Variants in KIAA1217 observed in about 807,000 individuals in gnomAD.
KIAA1217 encodes the protein KIAA1217.
KIAA1217 carries 88 observed loss-of-function variants against 163.9 expected under a neutral mutation model. The ratio of observed to expected loss-of-function variants is 0.54; its 90% CI spans 0.45 to 0.64. The LOEUF is 0.64. Among genes scored for constraint, KIAA1217 ranks in the 30% least tolerant of loss-of-function variants. KIAA1217 has a pLI of 0.00. For synonymous variants in KIAA1217, 903 were observed against 923.1 expected (o/e 0.98, Z 0.39); for missense variants, 2,372 against 2,475.0 (o/e 0.96, Z 0.88).
At chr10:24,040,135 C>T (rs1848570554) in intron 2 of KIAA1217, among the ~76,000 whole-genome samples, 1 of 152,186 alleles carries the variant, frequency 6.6e-6, no homozygotes, top group Non-Finnish European at 1.5e-5. Flanking sequence ...CTTCCCAGGC[C>T]AAAGTCCTTT....
At chr10:24,493,407 C>G (rs1387562902) in intron 6 of KIAA1217, among the ~76,000 whole-genome samples, 1 of 152,230 alleles carries the variant, frequency 6.6e-6, no homozygotes, top group Non-Finnish European at 1.5e-5. Context: ...CTGTTTTGAA[C>G]TAACAAATAT....
chr10:24,480,736 G>A (rs1193447325), intron 6 of KIAA1217, among the ~76,000 whole-genome samples: 1 of 152,214 alleles, frequency 6.6e-6, no homozygotes, highest in South Asian at 2.1e-4. Context: ...CCCCGAAGAA[G>A]CAGGGAGAGA....
intron 3 of KIAA1217, among the ~76,000 whole-genome samples, chr10:24,407,379 A>G (rs1329563191): frequency 6.6e-6 from 1 of 152,054 alleles, no homozygotes; most frequent in Non-Finnish European, 1.5e-5. Context: ...CTGAAGCTTC[A>G]AAATCCTGGG....
chr10:24,277,188 T>C (rs1338676549), intron 2 of KIAA1217, among the ~76,000 whole-genome samples: 2 of 152,220 alleles, frequency 1.3e-5, no homozygotes, highest in Non-Finnish European at 1.5e-5. Context: ...GATTGGAAGG[T>C]GGCAGCTTTT....
At position 24,438,450 on chromosome 10, in the gene KIAA1217, A is replaced by C. The variant is rs767256091; in HGVS notation, c.817A>C (p.Thr273Pro). 2 of 1,612,424 alleles carry C rather than the reference A, an allele frequency of 1.2e-6. No homozygotes were observed. Among genetic ancestry groups the C allele is most frequent in the African/African-American group, 2.7e-5 (2 of 74,890 alleles). The change falls in exon 5 of 21, where the codon ACA (threonine) becomes CCA (proline). Residue 273 changes from threonine to proline, a missense_variant. Coordinates refer to ENST00000376454, the MANE Select transcript of KIAA1217 (RefSeq NM_019590.5). ...NKDPAHAFNH[T>P]PKTMNGDMRM... ...GGATCCTGCACATGCGTTTAATCAC[A>C]CACCAAAAACTATGAATGGAGACAT...
intron 17 of KIAA1217, among the ~76,000 whole-genome samples, chr10:24,539,536 G>C (rs2074685055): frequency 6.6e-6 from 1 of 152,048 alleles, no homozygotes; most frequent in Non-Finnish European, 1.5e-5. Context: ...TTTCTAATTG[G>C]CTAGAAAGTG....
At chr10:23,936,573 T>C (rs1021013829) in intron 1 of KIAA1217, among the ~76,000 whole-genome samples, 6 of 152,056 alleles carry the variant, frequency 3.9e-5, no homozygotes, top group Admixed American at 3.3e-4. Context: ...AGAAGAAGGC[T>C]GTGTAATGCT....
chr10:24,364,708 C>T (rs2050522031), intron 2 of KIAA1217, among the ~76,000 whole-genome samples: 1 of 152,118 alleles, frequency 6.6e-6, no homozygotes, highest in South Asian at 2.1e-4. Context: ...GTTTGCTCCA[C>T]AGTTCGGAGG....
At chr10:24,301,190 GC>G (rs924337928) in intron 2 of KIAA1217, among the ~76,000 whole-genome samples, 1 of 152,078 alleles carries the variant, frequency 6.6e-6, no homozygotes, top group Non-Finnish European at 1.5e-5. Flanking sequence ...GCAGATAAGT[GC>G]CCCCCTGCTC....
intron 1 of KIAA1217, among the ~76,000 whole-genome samples, chr10:23,897,675 C>A (rs558341521): frequency 3.3e-5 from 5 of 152,080 alleles, no homozygotes; most frequent in Non-Finnish European, 5.9e-5. Flanking sequence ...TGGCTAGGAG[C>A]CCTTACCTTC....
At chr10:24,416,171 A>G (rs2058231299) in intron 3 of KIAA1217, among the ~76,000 whole-genome samples, 2 of 152,262 alleles carry the variant, frequency 1.3e-5, no homozygotes, top group African/African-American at 2.4e-5. Flanking sequence ...TAATTATTAC[A>G]TAACAGTAAC....
At chr10:24,417,816 A>G (rs1032664481) in intron 3 of KIAA1217, among the ~76,000 whole-genome samples, 1 of 151,890 alleles carries the variant, frequency 6.6e-6, no homozygotes, top group Non-Finnish European at 1.5e-5. Context: ...ACAGCCACAG[A>G]TCTGCTAACA....
At chr10:23,860,375 C>T (rs1428307992) in intron 1 of KIAA1217, among the ~76,000 whole-genome samples, 1 of 151,788 alleles carries the variant, frequency 6.6e-6, no homozygotes, top group Non-Finnish European at 1.5e-5. Context: ...TATTCCATTT[C>T]ACTTTGGTCT....
chr10:24,467,610 T>C (rs1027190889), intron 5 of KIAA1217, among the ~76,000 whole-genome samples: 1 of 152,214 alleles, frequency 6.6e-6, no homozygotes, highest in African/African-American at 2.4e-5. Context: ...AAAATGAAAT[T>C]GTTTAAAGCT....
At chr10:24,454,938 C>G (rs1490366064) in intron 5 of KIAA1217, among the ~76,000 whole-genome samples, 1 of 151,916 alleles carries the variant, frequency 6.6e-6, no homozygotes, top group Admixed American at 6.6e-5. Flanking sequence ...CTTAATGCTT[C>G]AGAAATTTGT....
chr10:24,298,132 CTTTG>C (rs1195734575), intron 2 of KIAA1217, among the ~76,000 whole-genome samples: 1 of 151,892 alleles, frequency 6.6e-6, no homozygotes, highest in African/African-American at 2.4e-5. Context: ...GGATACTGTC[CTTTG>C]TTTTGTTTAG....
intron 2 of KIAA1217, among the ~76,000 whole-genome samples, chr10:24,223,788 A>T (rs572667383): frequency 7.1e-6 from 1 of 141,494 alleles, no homozygotes; most frequent in Admixed American, 7.7e-5. Flanking sequence ...ATCATGGCTC[A>T]CTGCAGCCTC....
intron 1 of KIAA1217, among the ~76,000 whole-genome samples, chr10:23,736,232 G>A (rs1365869729): frequency 6.6e-6 from 1 of 152,126 alleles, no homozygotes; most frequent in African/African-American, 2.4e-5. Flanking sequence ...AATTTTTTAG[G>A]TTTTGACCTT....
In KIAA1217 at chr10:24,410,130, G is replaced by A. The variant is rs552849167; in HGVS notation, c.554-22865G>A. 1.6e-4 allele frequency among the ~76,000 whole-genome samples: 24 copies of A among 151,066 alleles called. No individual in the cohort carries two copies. The South Asian group carries it at 4.2e-3, about 26-fold the overall frequency. ...TCCTGCCTCAGCCTCCTGAGTAGCTGCAATTACAGGCACCCGCCACCACGC... is the reference window on the plus strand; with the variant it reads ...TCCTGCCTCAGCCTCCTGAGTAGCTACAATTACAGGCACCCGCCACCACGC... On this transcript the variant is annotated intron_variant, in intron 3 of 20. Coordinates refer to ENST00000376454, the MANE Select transcript of KIAA1217 (RefSeq NM_019590.5).
Sources: allele counts gnomAD v4.1 joint callset (sites outside exome capture counted in the v4.1 genomes callset), GRCh38; gene constraint gnomAD v4.1.1; transcripts MANE v1.5; gene names NCBI Gene and HGNC (gene_info 2026-07-23, HGNC 2026-07-21).